Variants in LAIR1 observed in about 807,000 individuals in gnomAD.
The protein encoded by LAIR1 is leukocyte associated immunoglobulin like receptor 1.
A neutral mutation model predicts 32.8 loss-of-function variants in LAIR1; 24 were observed. The ratio of observed to expected loss-of-function variants is 0.73; its 90% CI spans 0.53 to 1.03. LAIR1 has a LOEUF of 1.03. LAIR1 is among the 50% of genes least tolerant of loss of function. The pLI is 0.00. For synonymous variants in LAIR1, 150 were observed against 140.5 expected (o/e 1.07, Z -0.48); for missense variants, 355 against 347.5 (o/e 1.02, Z -0.17).
At chr19:54,358,363 A>G (rs980118611) in intron 4 of LAIR1, 13 of 192,554 alleles carry the variant, frequency 6.8e-5, no homozygotes, top group Non-Finnish European at 1.0e-4. Context: ...GTTTTATTAT[A>G]TAATTATCTT....
intron 8 of LAIR1, 49 bp from the exon 9 acceptor site, chr19:54,356,055 C>CA (rs772615162): frequency 5.4e-6 from 8 of 1,478,748 alleles, no homozygotes; most frequent in Non-Finnish European, 7.6e-6. Flanking sequence ...TGTCGCAAGG[C>CA]AAATCTGCCT....
upstream of LAIR1, among the ~76,000 whole-genome samples, chr19:54,375,356 G>A (rs1458371472): frequency 6.6e-6 from 1 of 152,156 alleles, no homozygotes; most frequent in African/African-American, 2.4e-5. Context: ...CCGCCCCGCT[G>A]TGCAGAATGC....
Position 54,351,801 on chromosome 19 carries a change from C to T in LAIR1, c.*3467G>A, listed in dbSNP as rs892195058. On this transcript the variant is annotated 3_prime_UTR_variant, in exon 10 of 10. Coordinates refer to ENST00000391742, the MANE Select transcript of LAIR1 (RefSeq NM_002287.6). ...GAAGGTAGACGAGGTGTTGGGCAGC[C>T]CTGGACACCCTCAGAAAATATCCCT... 6.6e-6 allele frequency: 1 copy of T among 151,508 alleles called. No homozygotes were observed. The highest frequency in any genetic ancestry group is 1.5e-5 in the Non-Finnish European group (1 of 67,924). 9.4% of individuals were successfully genotyped at this position (151,508 alleles called of 1,614,324 possible).
At position 54,355,537 on chromosome 19, in the gene LAIR1, G is replaced by A. The variant is rs991369539; in HGVS notation, c.718-123C>T. 2.4e-5 allele frequency: 20 copies of A among 817,498 alleles called. No individual in the cohort carries two copies. The highest frequency in any genetic ancestry group is 8.2e-5 in the East Asian group (3 of 36,476). The allele number at this position is 817,498 out of a possible 1,614,324, so 50.6% of individuals were successfully genotyped here. Reference sequence around the variant, plus strand: ...GAGGACCCTCTCCTAAATTGCATCCGTGTGAAGAGCCCTCCCACAGGGTAT... The same window carrying A: ...GAGGACCCTCTCCTAAATTGCATCCATGTGAAGAGCCCTCCCACAGGGTAT... On this transcript the variant is annotated intron_variant, in intron 9 of 9. Coordinates refer to ENST00000391742, the MANE Select transcript of LAIR1 (RefSeq NM_002287.6). The surrounding 1 kb of genome is among the most constrained non-coding windows in gnomAD (Gnocchi z 4.7).
intron 4 of LAIR1, chr19:54,358,397 AATATAT>A (rs1167186423): frequency 5.1e-6 from 1 of 196,934 alleles, no homozygotes; most frequent in East Asian, 1.6e-4. Flanking sequence ...ATATATATAT[AATATAT>A]ATATATATTA....
At chr19:54,368,780 C>G (rs1363959562), upstream of LAIR1, 1 of 152,000 alleles carries the variant, frequency 6.6e-6, no homozygotes. Context: ...TCTTGGCTCC[C>G]GGGTTCAAGC....
chr19:54,353,902 T>G lies in LAIR1; in HGVS notation c.*1366A>C, dbSNP rs2081592056. 3 of 142,104 alleles carry G rather than the reference T, an allele frequency of 2.1e-5. No homozygotes were observed. The highest frequency in any genetic ancestry group is 3.1e-5 in the Non-Finnish European group (2 of 64,232). The allele number at this position is 142,104 out of a possible 1,614,324, so 8.8% of individuals were successfully genotyped here. A position where few individuals can be genotyped will look rare whatever the true frequency, so the allele number is the denominator to read the frequency against. ...CACCCACCACCACACCCGGCTAATTTTTTTGTATTTTTAGTAGAGATGGGG... is the reference window on the plus strand; with the variant it reads ...CACCCACCACCACACCCGGCTAATTGTTTTGTATTTTTAGTAGAGATGGGG... On this transcript the variant is annotated 3_prime_UTR_variant, in exon 10 of 10. Transcript: ENST00000391742.
At position 54,355,968 on chromosome 19, in the gene LAIR1, C is replaced by G; in HGVS notation, c.703G>C (p.Glu235Gln). The change falls in exon 9 of 10, where the codon GAG becomes CAG. Residue 235 changes from glutamate to glutamine, a missense_variant. By Grantham distance (29) the Glu-to-Gln change is conservative (BLOSUM62 2). Coordinates refer to ENST00000391742, the MANE Select transcript of LAIR1 (RefSeq NM_002287.6). This position sits in a 1 kb window ranked among gnomAD's most constrained non-coding sequence, Gnocchi z 4.7. ...GGAAGGCTCACCGAGGTGTCCGTCT[C>G]TCTGTCCTTCTCAGGAAGTCCATTG... Reference protein sequence around the residue: ...TVNGLPEKDRETDTSALAAGS... With the variant: ...TVNGLPEKDRQTDTSALAAGS... The G allele has an allele frequency of 2.5e-6, 4 of 1,607,314 alleles. No individual in the cohort carries two copies. The highest frequency in any genetic ancestry group is 3.4e-6 in the Non-Finnish European group (4 of 1,173,634).
At position 54,352,757 on chromosome 19, in the gene LAIR1, A is replaced by T. The variant is rs1355511319; in HGVS notation, c.*2511T>A. 1 of 153,276 alleles carries T rather than the reference A, an allele frequency of 6.5e-6. No homozygotes were observed. Among genetic ancestry groups the T allele is most frequent in the Non-Finnish European group, 1.5e-5 (1 of 68,084 alleles). The allele number at this position is 153,276 out of a possible 1,614,324, so 9.5% of individuals were successfully genotyped here. On this transcript the variant is annotated 3_prime_UTR_variant, in exon 10 of 10. Coordinates refer to ENST00000391742, the MANE Select transcript of LAIR1 (RefSeq NM_002287.6). ...CTGTCCACCTTCTGCTATAGAGTTC[A>T]TGTACCCACCTGTCAACCTCATAGT...
chr19:54,368,375 A>G (rs929992776), upstream of LAIR1: 3 of 152,234 alleles, frequency 2.0e-5, no homozygotes, highest in African/African-American at 7.2e-5. Context: ...ACATGAGGCC[A>G]AAACACAGTG....
rs1349681981 is a variant in LAIR1, at chr19:54,354,225, ATGTCTGTGTG to A, written c.*1033_*1042del. 6.6e-6 allele frequency: 1 copy of A among 152,124 alleles called. No homozygotes were observed. The highest frequency in any genetic ancestry group is 1.5e-5 in the Non-Finnish European group (1 of 68,056). The allele number at this position is 152,124 out of a possible 1,614,324, so 9.4% of individuals were successfully genotyped here. On this transcript the variant is annotated 3_prime_UTR_variant, in exon 10 of 10. Coordinates refer to ENST00000391742, the MANE Select transcript of LAIR1 (RefSeq NM_002287.6). ...TCCTGGGGCGTGTGAGTGTATGTGC[ATGTCTGTGTG>A]TGTGCGTGTGTGTATGCATGTGTGT...
At chr19:54,368,979 A>G (rs2122641562), upstream of LAIR1, among the ~76,000 whole-genome samples, 1 of 151,282 alleles carries the variant, frequency 6.6e-6, no homozygotes, top group South Asian at 2.1e-4. Context: ...GAGCCACTGC[A>G]CCCGGCCGAC....
At position 54,360,575 on chromosome 19, in the gene LAIR1, G is replaced by A. The variant is rs529761640; in HGVS notation, c.364+341C>T. On this transcript the variant is annotated intron_variant, in intron 3 of 9. Coordinates refer to ENST00000391742, the MANE Select transcript of LAIR1 (RefSeq NM_002287.6). ...AGGAATAAGCGGGACCATCCATCCCGTGTGAAAAGACACTCATCCTCTTGT... is the reference window on the plus strand; with the variant it reads ...AGGAATAAGCGGGACCATCCATCCCATGTGAAAAGACACTCATCCTCTTGT... 57 of 450,752 alleles carry A rather than the reference G, an allele frequency of 1.3e-4. 1 individual carries two copies. In the East Asian group the frequency reaches 1.8e-3, roughly 14 times the overall value. The allele number at this position is 450,752 out of a possible 1,614,324, so 27.9% of individuals were successfully genotyped here. A position where few individuals can be genotyped will look rare whatever the true frequency, so the allele number is the denominator to read the frequency against.
chr19:54,365,578 G>A (rs558993492), upstream of LAIR1, among the ~76,000 whole-genome samples: 176 of 152,136 alleles, frequency 1.2e-3, 1 homozygote, highest in Non-Finnish European at 2.3e-3. Context: ...ATCACCTGAG[G>A]CCATAAATTC....
chr19:54,363,801 G>A (rs1049932818), intron 2 of LAIR1, among the ~76,000 whole-genome samples: 2 of 152,106 alleles, frequency 1.3e-5, no homozygotes, highest in Non-Finnish European at 2.9e-5. Context: ...GCAGGTGCGG[G>A]GCATGGGAGA....
At chr19:54,372,216 A>T (rs2082421998), upstream of LAIR1, among the ~76,000 whole-genome samples, 1 of 151,612 alleles carries the variant, frequency 6.6e-6, no homozygotes, top group Non-Finnish European at 1.5e-5. Context: ...TGTCTCCCAA[A>T]GTGGCTGTAC....
upstream of LAIR1, chr19:54,368,692 T>C (rs2122637806): frequency 6.6e-6 from 1 of 152,008 alleles, no homozygotes; most frequent in African/African-American, 2.4e-5. Context: ...CTGATTTATT[T>C]ATTTATTTAT....
At position 54,355,855 on chromosome 19, in the gene LAIR1, C is replaced by T; in HGVS notation, c.717+99G>A. ...CCTCAGGACAGGCCGTGAGCCGGAA[C>T]CGCCCAGCTGAGCCACTCCTGAATT... On this transcript the variant is annotated intron_variant, in intron 9 of 9. Transcript: ENST00000391742. This position sits in a 1 kb window ranked among gnomAD's most constrained non-coding sequence, Gnocchi z 4.7. 1 of 844,520 alleles carries T rather than the reference C, an allele frequency of 1.2e-6. No individual in the cohort carries two copies. Among genetic ancestry groups the T allele is most frequent in the Non-Finnish European group, 2.0e-6 (1 of 493,524 alleles). 52.3% of individuals were successfully genotyped at this position (844,520 alleles called of 1,614,324 possible).
chr19:54,374,402 C>G (rs967933832), upstream of LAIR1, among the ~76,000 whole-genome samples: 1 of 152,166 alleles, frequency 6.6e-6, no homozygotes, highest in African/African-American at 2.4e-5. Flanking sequence ...TTCTCCCCTC[C>G]CAGTTCCCTT....
Sources: allele counts gnomAD v4.1 joint callset (sites outside exome capture counted in the v4.1 genomes callset), GRCh38; gene constraint gnomAD v4.1.1; non-coding constraint Gnocchi (gnomAD v3.1); transcripts MANE v1.5; gene names NCBI Gene and HGNC (gene_info 2026-07-23, HGNC 2026-07-21).